LRRC37B: variants seen among roughly 807,000 people sequenced by gnomAD.
LRRC37B encodes leucine-rich repeat-containing protein 37B.
A neutral mutation model predicts 98.3 loss-of-function variants in LRRC37B; 28 were observed. The ratio of observed to expected loss-of-function variants is 0.28; its 90% confidence interval spans 0.21 to 0.39. The LOEUF (loss-of-function observed/expected upper bound fraction) is 0.39, where lower values mean the gene tolerates loss of function less well. LRRC37B is among the 10% of genes least tolerant of loss of function. The probability of loss-of-function intolerance (pLI) is 1.00; values close to 1 mark genes in which losing one functional copy is unlikely to be tolerated. For missense variants in LRRC37B, 938 were observed against 1,182.7 expected (o/e 0.79, Z 3.03); for synonymous variants, 364 against 442.7 (o/e 0.82, Z 2.23).
At chr17:32,024,330 T>C in intron 1 of LRRC37B, 3 of 574,532 alleles carry the variant, frequency 5.2e-6, no homozygotes, top group Non-Finnish European at 9.4e-6. Flanking sequence ...TTTCTACTTA[T>C]TTATCGATAA....
At chr17:32,022,066 C>G in exon 1 of LRRC37B, 1 of 1,613,998 alleles carries the variant, frequency 6.2e-7, no homozygotes, top group Non-Finnish European at 8.5e-7. Context: ...CCAGCTCTGC[C>G]TCCAGAGTCC....
intron 1 of LRRC37B, among the ~76,000 whole-genome samples, chr17:32,014,943 C>T (rs777899628): frequency 1.3e-5 from 2 of 152,010 alleles, no homozygotes; most frequent in Non-Finnish European, 2.9e-5. Flanking sequence ...ACCAGCCTGG[C>T]CAACATGGTG....
exon 1 of LRRC37B, chr17:32,022,397 A>C (rs774200613): frequency 1.2e-6 from 2 of 1,613,634 alleles, no homozygotes; most frequent in Admixed American, 3.3e-5. Flanking sequence ...CCACAGTTCA[A>C]CCTCTGGACC....
chr17:32,024,674 G>A (rs775276610), intron 1 of LRRC37B, 37 bp from the exon 5 acceptor site: 36 of 1,606,284 alleles, frequency 2.2e-5, no homozygotes, highest in South Asian at 6.7e-5. Context: ...CATTCTTTGC[G>A]TGCCTATTCA....
chr17:32,021,699 TTTG>T (rs1411692136), exon 1 of LRRC37B: 40 of 1,614,096 alleles, frequency 2.5e-5, no homozygotes, highest in Non-Finnish European at 3.4e-5. Flanking sequence ...ACCAACCAAA[TTTG>T]TTGTTTCGCC....
chr17:32,035,800 C>T, intron 7 of LRRC37B, 161 bp downstream of exon 10: 1 of 715,860 alleles, frequency 1.4e-6, no homozygotes, highest in Non-Finnish European at 2.1e-6. Flanking sequence ...GTTACATAAC[C>T]ACCACCACAT....
rs577001635 is a variant in LRRC37B, at chr17:32,033,368, A to G, written c.2058-1542A>G. Reference sequence around the variant, plus strand: ...GGGAAGGGAGGGAAGGGAAAGAAGGAGGGAGGGAGGGAAATGAGGAAAGAA... The same window carrying G: ...GGGAAGGGAGGGAAGGGAAAGAAGGGGGGAGGGAGGGAAATGAGGAAAGAA... On this transcript the variant is annotated intron_variant, in intron 5 of 11. Coordinates refer to ENST00000327564, the Ensembl canonical transcript of LRRC37B. 1.3e-4 allele frequency among the ~76,000 whole-genome samples: 19 copies of G among 148,554 alleles called. No individual in the cohort carries two copies. In the South Asian group the frequency reaches 4.2e-3, roughly 33 times the overall value.
At chr17:32,012,165 C>A (rs55764677) in intron 1 of LRRC37B, among the ~76,000 whole-genome samples, 2 of 152,152 alleles carry the variant, frequency 1.3e-5, no homozygotes, top group Non-Finnish European at 2.9e-5. Context: ...GTTGGTTGAT[C>A]GTGTTAAGGT....
chr17:32,043,691 T>C (rs1911505210), intron 7 of LRRC37B, among the ~76,000 whole-genome samples: 1 of 152,222 alleles, frequency 6.6e-6, no homozygotes, highest in Admixed American at 6.5e-5. Context: ...TACGAGTCAC[T>C]TGTGATTATT....
upstream of LRRC37B, among the ~76,000 whole-genome samples, chr17:32,017,415 T>A (rs2142237759): frequency 6.6e-6 from 1 of 152,320 alleles, no homozygotes; most frequent in South Asian, 2.1e-4. Flanking sequence ...GTGTCCACAT[T>A]TTTCATTTCT....
At chr17:32,018,270 T>C (rs1483266625), upstream of LRRC37B, among the ~76,000 whole-genome samples, 1 of 152,130 alleles carries the variant, frequency 6.6e-6, no homozygotes. Context: ...GAGGTTGTGG[T>C]GAGCCAAGAT....
chr17:32,007,910 G>C, upstream of LRRC37B: 1 of 720,650 alleles, frequency 1.4e-6, no homozygotes, highest in East Asian at 5.0e-5. This position sits in a 1 kb window ranked among gnomAD's most constrained non-coding sequence, Gnocchi z 4.1. Context: ...CCGGACCACC[G>C]CAGCCCGGAG....
intron 7 of LRRC37B, chr17:32,039,989 C>T (rs1371626406): frequency 6.6e-6 from 1 of 152,138 alleles, no homozygotes; most frequent in African/African-American, 2.4e-5. Flanking sequence ...TTCTTCTTGA[C>T]CATTAGTGGA....
At position 32,024,918 on chromosome 17, in the gene LRRC37B, A is replaced by G. The variant is rs376244941; in HGVS notation, c.1832+136A>G. On this transcript the variant is annotated intron_variant, in intron 2 of 11. Transcript: ENST00000327564. ...CCCAAATCAGCCTCTGTGGATTGCA[A>G]TCCTATGGTTATTTTAAAATTAAAT... is the stretch of plus-strand genomic sequence containing the variant. 75 of 1,130,674 alleles carry G rather than the reference A, an allele frequency of 6.6e-5. No homozygotes were observed. The African/African-American group carries it at 7.9e-4, about 12-fold the overall frequency. 70.0% of individuals were successfully genotyped at this position (1,130,674 alleles called of 1,614,324 possible). A position where few individuals can be genotyped will look rare whatever the true frequency, so the allele number is the denominator to read the frequency against.
Position 32,022,209 on chromosome 17 carries a change from G to T in LRRC37B, c.1144G>T (p.Glu382Ter). ...AGATGTGGAGGTTACCATGACTTCAGAGCCTAAAAATGAGACAGAATCTAC... is the reference window on the plus strand; with the variant it reads ...AGATGTGGAGGTTACCATGACTTCATAGCCTAAAAATGAGACAGAATCTAC... The change falls in exon 1 of 12, where the codon GAG (glutamate) becomes TAG (stop). Residue 382 changes from glutamate to a stop codon, truncating the protein, a stop_gained. Transcript: ENST00000327564. LOFTEE classifies it high-confidence loss of function. 6.2e-7 allele frequency: 1 copy of T among 1,613,326 alleles called. No homozygotes were observed. Among genetic ancestry groups the T allele is most frequent in the Middle Eastern group, 1.7e-4 (1 of 6,054 alleles).
At chr17:32,012,972 G>A (rs146029582) in intron 1 of LRRC37B, among the ~76,000 whole-genome samples, 4,210 of 152,270 alleles carry the variant, frequency 0.028, 91 homozygotes, top group Admixed American at 0.08. Flanking sequence ...AGCCGAGATC[G>A]TGCCACTGCA....
At chr17:32,041,621 G>C (rs1453413522) in intron 7 of LRRC37B, 1 of 466,366 alleles carries the variant, frequency 2.1e-6, no homozygotes, top group Admixed American at 2.3e-5. Flanking sequence ...CCAAGGCGGT[G>C]TCCAAGCCTG....
chr17:32,013,388 G>A (rs1910579687), intron 1 of LRRC37B, among the ~76,000 whole-genome samples: 1 of 152,012 alleles, frequency 6.6e-6, no homozygotes, highest in African/African-American at 2.4e-5. Context: ...ATTAATGTGT[G>A]TTGGACCATT....
At chr17:32,025,324 C>T (rs1035312320) in intron 2 of LRRC37B, among the ~76,000 whole-genome samples, 31 of 151,780 alleles carry the variant, frequency 2.0e-4, no homozygotes, top group Admixed American at 3.9e-4. Context: ...GCATGAGCCA[C>T]CACCCCCAGC....
Sources: gnomAD v4.1 joint callset for allele counts (sites outside exome capture counted in the v4.1 genomes callset) on GRCh38, gnomAD v4.1.1 for gene constraint, Gnocchi (gnomAD v3.1) non-coding constraint, MANE v1.5 for transcripts, NCBI Gene and HGNC (gene_info 2026-07-23, HGNC 2026-07-21) for gene names.